Variants in SLC39A11 observed in about 807,000 individuals in gnomAD.
SLC39A11 encodes zinc transporter ZIP11.
A neutral mutation model predicts 36.1 loss-of-function variants in SLC39A11; 33 were observed. The observed-to-expected ratio is 0.91, with a 90% CI of 0.69 to 1.22. The LOEUF (loss-of-function observed/expected upper bound fraction) is 1.22, where lower values mean the gene tolerates loss of function less well. Ranked by LOEUF, SLC39A11 falls within the 50% of genes most tolerant of loss-of-function variation. The pLI, the probability that SLC39A11 is intolerant of heterozygous loss-of-function variation, is 0.00. For missense variants in SLC39A11, 432 were observed against 430.3 expected (o/e 1.00, Z -0.03); for synonymous variants, 166 against 170.3 (o/e 0.97, Z 0.20).
rs2059380017 is a variant in SLC39A11 at position 73,048,067 on chromosome 17, T to C, written c.148-16353A>G. 5.4e-5 allele frequency among the ~76,000 whole-genome samples: 8 copies of C among 147,416 alleles called. 1 individual carries two copies. In the South Asian group the frequency reaches 1.7e-3, roughly 32 times the overall value. On this transcript the variant is annotated intron_variant, in intron 3 of 9. Coordinates refer to ENST00000255559, the MANE Select transcript of SLC39A11 (RefSeq NM_139177.4). ...TGTGCCAACCTTTACATTTAGATTC[T>C]TTTAATTTCAGCTTTTAGTTTGGAT...
At chr17:72,896,448 C>T (rs994491372) in intron 5 of SLC39A11, among the ~76,000 whole-genome samples, 2 of 151,884 alleles carry the variant, frequency 1.3e-5, no homozygotes, top group Admixed American at 6.6e-5. Flanking sequence ...GTGATCTGCC[C>T]GCCTCAGCCT....
intron 4 of SLC39A11, among the ~76,000 whole-genome samples, chr17:73,023,332 G>A (rs1436574476): frequency 6.6e-6 from 1 of 152,142 alleles, no homozygotes; most frequent in African/African-American, 2.4e-5. Context: ...TTAGAGATAG[G>A]GCCAGTAGAA....
At chr17:72,747,286 G>T (rs117720936) in intron 6 of SLC39A11, among the ~76,000 whole-genome samples, 18 of 152,264 alleles carry the variant, frequency 1.2e-4, no homozygotes, top group African/African-American at 4.1e-4. Flanking sequence ...AAGTAGCTGG[G>T]ACTACAAGTG....
chr17:72,861,869 T>C, intron 5 of SLC39A11, among the ~76,000 whole-genome samples: 1 of 149,100 alleles, frequency 6.7e-6, no homozygotes, highest in South Asian at 2.1e-4. Context: ...CTTTTAGAAA[T>C]TCACTTGAGA....
At chr17:72,750,646 C>T (rs572854717) in intron 6 of SLC39A11, among the ~76,000 whole-genome samples, 3 of 152,074 alleles carry the variant, frequency 2.0e-5, no homozygotes, top group South Asian at 2.1e-4. Flanking sequence ...TTCTAAAATC[C>T]AGGCAAGAAA....
chr17:72,943,637 AT>A (rs1347058261), intron 5 of SLC39A11, among the ~76,000 whole-genome samples: 6 of 152,184 alleles, frequency 3.9e-5, no homozygotes, highest in Non-Finnish European at 2.9e-5. Context: ...TCACAACTGA[AT>A]AATCTCCTAA....
At chr17:72,712,167 A>T (rs1250006979) in intron 7 of SLC39A11, among the ~76,000 whole-genome samples, 1 of 152,250 alleles carries the variant, frequency 6.6e-6, no homozygotes, top group Admixed American at 6.5e-5. Flanking sequence ...GGGCTGAGCC[A>T]GAGACCTATA....
intron 7 of SLC39A11, among the ~76,000 whole-genome samples, chr17:72,725,061 C>A (rs1309868086): frequency 6.6e-6 from 1 of 152,206 alleles, no homozygotes; most frequent in East Asian, 1.9e-4. Context: ...TCTGGCTTTG[C>A]CCATGCATCC....
At chr17:72,854,723 C>A (rs776465247) in intron 5 of SLC39A11, among the ~76,000 whole-genome samples, 1 of 152,066 alleles carries the variant, frequency 6.6e-6, no homozygotes, top group Non-Finnish European at 1.5e-5. Flanking sequence ...AAAGAAAGGA[C>A]CCACTGCCAG....
At chr17:73,010,661 A>G (rs2148495481) in intron 4 of SLC39A11, among the ~76,000 whole-genome samples, 1 of 152,314 alleles carries the variant, frequency 6.6e-6, no homozygotes, top group Middle Eastern at 3.4e-3. Context: ...CTTGTAGTAA[A>G]TGGCAGTATG....
chr17:73,051,587 G>A (rs563893664), intron 3 of SLC39A11, among the ~76,000 whole-genome samples: 19 of 151,266 alleles, frequency 1.3e-4, no homozygotes, highest in Middle Eastern at 3.4e-3. Context: ...GCCAGTCGCC[G>A]TGGTTCAGGC....
chr17:72,711,839 A>G (rs982265162), intron 7 of SLC39A11, among the ~76,000 whole-genome samples: 1 of 152,200 alleles, frequency 6.6e-6, no homozygotes, highest in African/African-American at 2.4e-5. Context: ...GCATGTGCTC[A>G]CTTTTAGAAA....
chr17:72,972,699 A>C (rs947812864), intron 4 of SLC39A11, among the ~76,000 whole-genome samples: 1 of 152,080 alleles, frequency 6.6e-6, no homozygotes, highest in Non-Finnish European at 1.5e-5. Context: ...CCTGGGGTCC[A>C]TGAGGATCTC....
At chr17:73,038,127 G>A (rs112671211) in intron 3 of SLC39A11, among the ~76,000 whole-genome samples, 86 of 152,306 alleles carry the variant, frequency 5.6e-4, no homozygotes, top group African/African-American at 1.9e-3. Context: ...GGGAGGCTGA[G>A]ACATGAGAAT....
rs1313807694 is a variant in SLC39A11, at chr17:72,736,647, T to C, written c.671+3A>G. The C allele has an allele frequency of 1.2e-6, 2 of 1,613,540 alleles. No individual in the cohort carries two copies. The highest frequency in any genetic ancestry group is 2.7e-5 in the African/African-American group (2 of 74,878). ...GCTCTAGGGTCCCAGGATGCTGGCT[T>C]ACCTGGCACTCTCAAAGGTAGCAGA... On this transcript the variant is annotated splice_donor_region_variant and intron_variant, in intron 7 of 9. Coordinates refer to ENST00000255559, the MANE Select transcript of SLC39A11 (RefSeq NM_139177.4).
chr17:72,807,772 T>A (rs1213164681), intron 6 of SLC39A11, among the ~76,000 whole-genome samples: 34 of 152,252 alleles, frequency 2.2e-4, no homozygotes, highest in Non-Finnish European at 2.6e-4. Flanking sequence ...TAGGATAAAG[T>A]GGTAATTTTG....
At chr17:72,806,380 C>G (rs1311625654) in intron 6 of SLC39A11, among the ~76,000 whole-genome samples, 1 of 152,122 alleles carries the variant, frequency 6.6e-6, no homozygotes. Context: ...AAATTAAAAG[C>G]CTTGTTTATT....
At chr17:72,821,506 G>GAAAAAAAA (rs1180203343) in intron 6 of SLC39A11, 1 of 37,290 alleles carries the variant, frequency 2.7e-5, no homozygotes, top group Non-Finnish European at 4.6e-5. Flanking sequence ...ACTCTGTCAC[G>GAAAAAAAA]AAAAAAAAAA....
At chr17:72,828,989 T>C (rs748269510) in intron 6 of SLC39A11, among the ~76,000 whole-genome samples, 1 of 152,222 alleles carries the variant, frequency 6.6e-6, no homozygotes, top group East Asian at 1.9e-4. Context: ...AGCACATTTC[T>C]ATTTTCAAAA....
Sources: gnomAD v4.1 joint callset for allele counts (sites outside exome capture counted in the v4.1 genomes callset) on GRCh38, gnomAD v4.1.1 for gene constraint, MANE v1.5 for transcripts, NCBI Gene and HGNC (gene_info 2026-07-23, HGNC 2026-07-21) for gene names.